The following CHRM3 variants were observed in gnomAD, a reference collection of about 807,000 sequenced individuals.
The protein encoded by CHRM3 is muscarinic acetylcholine receptor M3.
A neutral mutation model predicts 41.8 loss-of-function variants in CHRM3; 11 were observed. That is an observed-to-expected ratio of 0.26 (90% CI 0.17 to 0.44). The LOEUF (loss-of-function observed/expected upper bound fraction) is 0.44. CHRM3 is among the 20% of genes least tolerant of loss of function. The pLI is 1.00. For synonymous variants in CHRM3, 297 were observed against 301.4 expected (o/e 0.99, Z 0.15); for missense variants, 571 against 745.4 (o/e 0.77, Z 2.72).
chr1:239,407,440 A>C (rs1009680827), intron 1 of CHRM3, among the ~76,000 whole-genome samples: 13 of 150,294 alleles, frequency 8.6e-5, no homozygotes, highest in African/African-American at 1.5e-4. Flanking sequence ...AGAGAGAGAG[A>C]GCGCTAAATT....
chr1:239,492,389 T>C (rs1667610945), intron 1 of CHRM3, among the ~76,000 whole-genome samples: 1 of 152,202 alleles, frequency 6.6e-6, no homozygotes, highest in Admixed American at 6.5e-5. Flanking sequence ...TACCTATGCT[T>C]CATTGCTCGC....
chr1:239,599,200 TA>T (rs1414841127), intron 3 of CHRM3, among the ~76,000 whole-genome samples: 1 of 152,188 alleles, frequency 6.6e-6, no homozygotes, highest in Non-Finnish European at 1.5e-5. Context: ...CATCACCCAA[TA>T]AAACAATGAC....
chr1:239,673,606 GATTATGATTTTAATGTATTT>G (rs1657632830), intron 4 of CHRM3, among the ~76,000 whole-genome samples: 1 of 151,990 alleles, frequency 6.6e-6, no homozygotes, highest in South Asian at 2.1e-4. Context: ...ATAAGAATGA[GATTATGATTTTAATGTATTT>G]ATAATTACTC....
rs1667635978 is a variant in CHRM3 at position 239,492,762 on chromosome 1, G to T, written c.-467G>T. On this transcript the variant is annotated 5_prime_UTR_variant, in exon 2 of 7. Coordinates refer to ENST00000676153, the MANE Select transcript of CHRM3 (RefSeq NM_001375978.1). ...GATCTGAACTTAGGTGTAAACCATT[G>T]CCCTGGCAGAGGGAACCTACCCAGT... The T allele has an allele frequency of 6.6e-6, 1 of 152,182 alleles. No homozygotes were observed. The highest frequency in any genetic ancestry group is 6.5e-5 in the Admixed American group (1 of 15,278). 9.4% of individuals were successfully genotyped at this position (152,182 alleles called of 1,614,324 possible).
chr1:239,569,701 T>C (rs1244209700), intron 3 of CHRM3, among the ~76,000 whole-genome samples: 2 of 152,090 alleles, frequency 1.3e-5, no homozygotes, highest in East Asian at 3.9e-4. Context: ...AATAAAATGT[T>C]GGTTTATGTC....
chr1:239,413,007 G>C (rs1661221328), intron 1 of CHRM3, among the ~76,000 whole-genome samples: 1 of 151,804 alleles, frequency 6.6e-6, no homozygotes, highest in African/African-American at 2.4e-5. Flanking sequence ...GAACCCGGGA[G>C]GTGGAGGTTA....
intron 1 of CHRM3, among the ~76,000 whole-genome samples, chr1:239,435,322 T>C (rs552186186): frequency 2.4e-4 from 36 of 151,700 alleles, no homozygotes; most frequent in African/African-American, 3.9e-4. Context: ...TGGTGGCGGG[T>C]GCCTGTAGTC....
intron 1 of CHRM3, among the ~76,000 whole-genome samples, chr1:239,466,781 T>G (rs1305153179): frequency 6.6e-6 from 1 of 152,130 alleles, no homozygotes; most frequent in Non-Finnish European, 1.5e-5. Context: ...GTATTTTAAA[T>G]TATAGATTAC....
intron 4 of CHRM3, among the ~76,000 whole-genome samples, chr1:239,639,740 T>C (rs1454062717): frequency 6.6e-6 from 1 of 151,562 alleles, no homozygotes; most frequent in African/African-American, 2.4e-5. Flanking sequence ...CTTCTCCTAA[T>C]TGAATACCCT....
chr1:239,700,159 G>C (rs975837738), intron 5 of CHRM3, among the ~76,000 whole-genome samples: 2 of 152,050 alleles, frequency 1.3e-5, no homozygotes, highest in African/African-American at 4.8e-5. Context: ...TCATCAACTT[G>C]TATACCTTTC....
chr1:239,784,282 CTA>C (rs892971351), intron 5 of CHRM3, among the ~76,000 whole-genome samples: 1 of 152,118 alleles, frequency 6.6e-6, no homozygotes, highest in African/African-American at 2.4e-5. Context: ...CTGTTGTTTT[CTA>C]TGTGTTGCCC....
chr1:239,803,818 A>G (rs1027457501), intron 5 of CHRM3, among the ~76,000 whole-genome samples: 1 of 152,204 alleles, frequency 6.6e-6, no homozygotes, highest in African/African-American at 2.4e-5. Context: ...CACCAAGTGA[A>G]GCAGAATAGT....
In CHRM3 at chr1:239,913,799, G is replaced by A. The variant is rs1680493982; in HGVS notation, c.*4575G>A. ...ACGGCTCAGAAATGAGCAAGTGTTAGTATTATTAGGCACACATCACGTTCA... is the reference window on the plus strand; with the variant it reads ...ACGGCTCAGAAATGAGCAAGTGTTAATATTATTAGGCACACATCACGTTCA... On this transcript the variant is annotated 3_prime_UTR_variant, in exon 7 of 7. Transcript: ENST00000676153. 6.0e-6 allele frequency: 1 copy of A among 167,116 alleles called. No homozygotes were observed. Among genetic ancestry groups the A allele is most frequent in the African/African-American group, 2.4e-5 (1 of 41,454 alleles). 10.4% of individuals were successfully genotyped at this position (167,116 alleles called of 1,614,324 possible). A position where few individuals can be genotyped will look rare whatever the true frequency, so the allele number is the denominator to read the frequency against.
chr1:239,899,915 C>T, intron 6 of CHRM3: 1 of 138,586 alleles, frequency 7.2e-6, no homozygotes, highest in Non-Finnish European at 1.5e-5. Context: ...CCCTGGTCTG[C>T]CCCTATCTGA....
intron 4 of CHRM3, among the ~76,000 whole-genome samples, chr1:239,666,089 A>C (rs975725252): frequency 6.6e-6 from 1 of 152,086 alleles, no homozygotes; most frequent in Non-Finnish European, 1.5e-5. Context: ...TTGAGGAATC[A>C]CCACACTGTC....
intron 3 of CHRM3, among the ~76,000 whole-genome samples, chr1:239,574,150 C>A (rs1259245005): frequency 1.3e-5 from 2 of 152,086 alleles, no homozygotes; most frequent in Non-Finnish European, 2.9e-5. Context: ...TTTCTTACCC[C>A]ATTTGAGTTT....
chr1:239,729,218 T>A (rs1025978415), intron 5 of CHRM3, among the ~76,000 whole-genome samples: 2 of 151,906 alleles, frequency 1.3e-5, no homozygotes, highest in African/African-American at 2.4e-5. Context: ...CAGTAAAAAA[T>A]AATAATAATT....
chr1:239,510,129 C>G (rs1008900339), intron 2 of CHRM3, among the ~76,000 whole-genome samples: 1 of 152,148 alleles, frequency 6.6e-6, no homozygotes, highest in Non-Finnish European at 1.5e-5. Flanking sequence ...AAGCTATTTA[C>G]CTTACCTTTG....
chr1:239,436,365 T>C (rs751539109), intron 1 of CHRM3, among the ~76,000 whole-genome samples: 8 of 152,174 alleles, frequency 5.3e-5, no homozygotes, highest in Non-Finnish European at 7.3e-5. Context: ...GAGCAGAGGC[T>C]GCAGGGCTGA....
Sources: allele counts gnomAD v4.1 joint callset (sites outside exome capture counted in the v4.1 genomes callset), GRCh38; gene constraint gnomAD v4.1.1; transcripts MANE v1.5; gene names NCBI Gene and HGNC (gene_info 2026-07-23, HGNC 2026-07-21).